LRIF1: variants seen among roughly 807,000 people sequenced by gnomAD.
LRIF1 encodes ligand-dependent nuclear receptor-interacting factor 1.
LRIF1 carries 32 observed loss-of-function variants against 52.7 expected under a neutral mutation model. That is an observed-to-expected ratio of 0.61 (90% confidence interval 0.46 to 0.82). The LOEUF (loss-of-function observed/expected upper bound fraction) is 0.82, where lower values mean the gene tolerates loss of function less well. LRIF1 is among the 40% of genes least tolerant of loss of function. LRIF1 has a pLI of 0.00. For missense variants in LRIF1, 887 were observed against 892.0 expected, an observed-to-expected ratio of 0.99 and a Z score of 0.07; for synonymous variants, 323 against 317.4, an observed-to-expected ratio of 1.02 and a Z score of -0.19.
chr1:110,963,553 C>CG, intron 1 of LRIF1, 68 bp downstream of exon 1: 1 of 1,371,394 alleles, frequency 7.3e-7, no homozygotes, highest in Non-Finnish European at 1.0e-6. Context: ...CCGGAAACGA[C>CG]GGCCGACTCC....
At chr1:110,912,240 C>T in the LRIF1 span, among the ~76,000 whole-genome samples, 91 of 151,764 alleles carry the variant, frequency 6.0e-4, 2 homozygotes, top group South Asian at 0.016. Context: ...TAGACCGAGT[C>T]TGGCTCTATC....
the LRIF1 span, chr1:110,880,157 A>G: frequency 6.6e-6 from 1 of 152,200 alleles, no homozygotes; most frequent in East Asian, 1.9e-4. Context: ...TGAGTCATGC[A>G]TCTAAGAGTC....
the LRIF1 span, among the ~76,000 whole-genome samples, chr1:110,912,474 A>T: frequency 2.0e-5 from 3 of 152,154 alleles, no homozygotes; most frequent in African/African-American, 7.2e-5. Context: ...AGCCTCCTGA[A>T]GGGCTGGGAT....
At chr1:110,886,641 G>C in the LRIF1 span, among the ~76,000 whole-genome samples, 1 of 151,838 alleles carries the variant, frequency 6.6e-6, no homozygotes, top group African/African-American at 2.4e-5. Context: ...TTGAGGTCAG[G>C]CATGCGAGAC....
the LRIF1 span, among the ~76,000 whole-genome samples, chr1:110,925,307 T>A: frequency 2.4e-3 from 359 of 152,322 alleles, 3 homozygotes; most frequent in Non-Finnish European, 2.1e-3. Flanking sequence ...GCCTTTGGAC[T>A]CAAATTGCAA....
chr1:110,951,925 G>C lies in LRIF1; in HGVS notation c.959C>G (p.Thr320Ser). Residue 320 changes from threonine (T) to serine (S), a missense_variant, in exon 2 of 4, where the codon ACT becomes AGT. Thr to Ser is a moderately conservative substitution (Grantham distance 58, BLOSUM62 1). Coordinates refer to ENST00000369763, the MANE Select transcript of LRIF1 (RefSeq NM_018372.4). ...SNNVASKILKTFVDRKNLGDN... is the reference protein window; with the variant it reads ...SNNVASKILKSFVDRKNLGDN... ...TCCCAAATTTTTCCTATCTACAAAA[G>C]TTTTTAAAATCTTTGAAGCCACATT... 6.2e-7 allele frequency: 1 copy of C among 1,614,006 alleles called. No individual in the cohort carries two copies.
At chr1:110,886,846 A>AAGATATATATATATATATATATATATAT in the LRIF1 span, among the ~76,000 whole-genome samples, 1 of 101,002 alleles carries the variant, frequency 9.9e-6, no homozygotes, top group African/African-American at 3.2e-5. Context: ...CTCTGTCTCC[A>AAGATATATATATATATATATATATATAT]ATATATATAT....
the LRIF1 span, among the ~76,000 whole-genome samples, chr1:110,883,509 T>C: frequency 1.3e-5 from 2 of 152,004 alleles, no homozygotes; most frequent in Admixed American, 6.5e-5. Context: ...CCCGTGGTTT[T>C]ATTTCTTGTA....
At chr1:110,926,107 A>T in the LRIF1 span, among the ~76,000 whole-genome samples, 464 of 152,256 alleles carry the variant, frequency 3.0e-3, 2 homozygotes, top group Admixed American at 4.8e-3. Flanking sequence ...AAATATCATC[A>T]TAATCAAAAG....
chr1:110,891,334 T>TG, the LRIF1 span: 2 of 1,170,058 alleles, frequency 1.7e-6, no homozygotes, highest in Non-Finnish European at 2.6e-6. Context: ...TTGTGCACTC[T>TG]GATCTCTGGC....
the LRIF1 span, among the ~76,000 whole-genome samples, chr1:110,913,790 G>A: frequency 3.3e-5 from 5 of 151,808 alleles, no homozygotes; most frequent in Non-Finnish European, 7.4e-5. Flanking sequence ...CCTATTACTG[G>A]GTATATACCC....
chr1:110,949,026 G>GT (rs1312504305), intron 3 of LRIF1, among the ~76,000 whole-genome samples: 2 of 152,188 alleles, frequency 1.3e-5, no homozygotes, highest in African/African-American at 4.8e-5. Flanking sequence ...GGAAAAAAAT[G>GT]TAGTAGGTGA....
At chr1:110,957,301 C>CAAAAAAAA (rs35011841) in intron 1 of LRIF1, among the ~76,000 whole-genome samples, 81 of 81,828 alleles carry the variant, frequency 9.9e-4, no homozygotes, top group African/African-American at 2.1e-3. Flanking sequence ...ACTAAAAATA[C>CAAAAAAAA]AAAAAAAAAA....
chr1:110,900,081 T>C, the LRIF1 span, among the ~76,000 whole-genome samples: 752 of 152,344 alleles, frequency 4.9e-3, 13 homozygotes, highest in African/African-American at 0.017. Context: ...TCATGGTTTT[T>C]GTGGGTCAGG....
chr1:110,899,127 T>G, the LRIF1 span: 22 of 1,613,580 alleles, frequency 1.4e-5, no homozygotes, highest in Non-Finnish European at 1.7e-5. Context: ...TTCACAGGTG[T>G]TGGGGATGTC....
At chr1:110,913,814 T>C in the LRIF1 span, among the ~76,000 whole-genome samples, 1 of 152,098 alleles carries the variant, frequency 6.6e-6, no homozygotes, top group African/African-American at 2.4e-5. Context: ...ATAATATAAA[T>C]TGTTCTACCA....
chr1:110,891,566 C>T, the LRIF1 span: 1 of 920,676 alleles, frequency 1.1e-6, no homozygotes, highest in Non-Finnish European at 1.8e-6. Context: ...GGGTAAAATG[C>T]ATGCGTGTTT....
the LRIF1 span, among the ~76,000 whole-genome samples, chr1:110,880,802 A>G: frequency 6.6e-6 from 1 of 152,174 alleles, no homozygotes; most frequent in African/African-American, 2.4e-5. Context: ...CTTATAAAAC[A>G]AAATGGTTAG....
chr1:110,885,672 G>A, the LRIF1 span, among the ~76,000 whole-genome samples: 1 of 152,004 alleles, frequency 6.6e-6, no homozygotes, highest in African/African-American at 2.4e-5. Context: ...AGACCAGCCT[G>A]GCCAACATGG....
Sources: allele counts gnomAD v4.1 joint callset (sites outside exome capture counted in the v4.1 genomes callset), GRCh38; gene constraint gnomAD v4.1.1; transcripts MANE v1.5; gene names NCBI Gene and HGNC (gene_info 2026-07-23, HGNC 2026-07-21).